The following CCDC178 variants were observed in gnomAD, a reference collection of about 807,000 sequenced individuals.
CCDC178 encodes coiled-coil domain-containing protein 178.
A neutral mutation model predicts 117.4 loss-of-function variants in CCDC178; 126 were observed. The ratio of observed to expected loss-of-function variants is 1.07; its 90% CI spans 0.93 to 1.24. The LOEUF is 1.24. Ranked by LOEUF, CCDC178 falls within the 50% of genes most tolerant of loss-of-function variation. The pLI, the probability that CCDC178 is intolerant of heterozygous loss-of-function variation, is 0.00. For missense variants in CCDC178, 1,030 were observed against 986.9 expected, an observed-to-expected ratio of 1.04 and a Z score of -0.59; for synonymous variants, 283 against 313.4, an observed-to-expected ratio of 0.90 and a Z score of 1.02.
chr18:33,043,346 G>A (rs1322575291), intron 21 of CCDC178, among the ~76,000 whole-genome samples: 1 of 151,996 alleles, frequency 6.6e-6, no homozygotes, highest in Non-Finnish European at 1.5e-5. Context: ...TGTTTATTCT[G>A]ACAAACAAGT....
chr18:33,015,765 G>A (rs1598791172), intron 21 of CCDC178, among the ~76,000 whole-genome samples: 1 of 152,002 alleles, frequency 6.6e-6, no homozygotes, highest in East Asian at 1.9e-4. Flanking sequence ...TTATATGTAT[G>A]GTGTACAACT....
chr18:33,401,647 T>C (rs528847031), intron 3 of CCDC178, among the ~76,000 whole-genome samples: 248 of 152,174 alleles, frequency 1.6e-3, no homozygotes, highest in African/African-American at 5.9e-3. Flanking sequence ...TAACATGATA[T>C]ATAACATTTA....
intron 11 of CCDC178, among the ~76,000 whole-genome samples, chr18:33,309,915 GTTT>G (rs935145048): frequency 6.8e-6 from 1 of 147,236 alleles, no homozygotes; most frequent in African/African-American, 2.5e-5. Context: ...CAAAATGATT[GTTT>G]TTTTTTTCTT....
At chr18:33,135,850 T>C (rs1412288832) in intron 20 of CCDC178, among the ~76,000 whole-genome samples, 2 of 152,134 alleles carry the variant, frequency 1.3e-5, no homozygotes, top group Non-Finnish European at 2.9e-5. Flanking sequence ...CCCTGCAAGG[T>C]TTCCCATATC....
intron 21 of CCDC178, among the ~76,000 whole-genome samples, chr18:33,085,233 G>A (rs189278148): frequency 6.6e-6 from 1 of 152,146 alleles, no homozygotes; most frequent in Non-Finnish European, 1.5e-5. Context: ...GCAAAATATA[G>A]TTTGTAAAAA....
At chr18:32,966,311 C>A (rs1485534071) in intron 22 of CCDC178, among the ~76,000 whole-genome samples, 12 of 151,716 alleles carry the variant, frequency 7.9e-5, no homozygotes, top group Non-Finnish European at 8.8e-5. Flanking sequence ...TGCCTGCTGT[C>A]TGTTTTGTAA....
At chr18:33,024,802 C>T (rs1391530639) in intron 21 of CCDC178, among the ~76,000 whole-genome samples, 1 of 106,494 alleles carries the variant, frequency 9.4e-6, no homozygotes, top group African/African-American at 3.1e-5. Context: ...TGCTACCATG[C>T]TCAGCTATTT....
At chr18:33,424,163 T>C (rs1265323967) in intron 2 of CCDC178, among the ~76,000 whole-genome samples, 1 of 152,216 alleles carries the variant, frequency 6.6e-6, no homozygotes, top group Non-Finnish European at 1.5e-5. Flanking sequence ...ACCTGTTTAC[T>C]TTTACTGGTC....
At chr18:33,431,058 G>A (rs1168846530) in intron 2 of CCDC178, among the ~76,000 whole-genome samples, 2 of 145,138 alleles carry the variant, frequency 1.4e-5, no homozygotes, top group East Asian at 2.0e-4. Flanking sequence ...CTGGGCAACC[G>A]TGCGAGACTA....
chr18:33,261,877 T>C (rs1410474176), intron 14 of CCDC178, among the ~76,000 whole-genome samples: 2 of 152,140 alleles, frequency 1.3e-5, no homozygotes, highest in African/African-American at 2.4e-5. Flanking sequence ...CATTTTTAAG[T>C]ATATTTTAAT....
At chr18:33,231,866 G>A (rs1481625740) in intron 15 of CCDC178, among the ~76,000 whole-genome samples, 2 of 152,168 alleles carry the variant, frequency 1.3e-5, no homozygotes, top group Non-Finnish European at 2.9e-5. Flanking sequence ...CTGCTTGGGA[G>A]AGAGCAGCCT....
chr18:33,130,439 A>G (rs899775375), intron 20 of CCDC178, among the ~76,000 whole-genome samples: 2 of 152,064 alleles, frequency 1.3e-5, no homozygotes, highest in African/African-American at 2.4e-5. Context: ...TTCACAAAAA[A>G]TCCATGAGTA....
chr18:33,324,211 G>A (rs567305286), intron 10 of CCDC178, among the ~76,000 whole-genome samples: 1 of 151,784 alleles, frequency 6.6e-6, no homozygotes, highest in South Asian at 2.1e-4. Flanking sequence ...GTATATCGCT[G>A]TATCACATTA....
chr18:33,053,221 T>C (rs547207639), intron 21 of CCDC178, among the ~76,000 whole-genome samples: 1 of 152,168 alleles, frequency 6.6e-6, no homozygotes, highest in Non-Finnish European at 1.5e-5. Context: ...AAATAATCCA[T>C]TTACACAGTC....
At chr18:33,430,276 C>T (rs1045065526) in intron 2 of CCDC178, among the ~76,000 whole-genome samples, 1 of 152,120 alleles carries the variant, frequency 6.6e-6, no homozygotes, top group African/African-American at 2.4e-5. Context: ...TGTTCGTTAG[C>T]AGTAAATATT....
intron 5 of CCDC178, among the ~76,000 whole-genome samples, chr18:33,383,638 GAAAAACAACAAACAAAAAGC>G (rs1230310079): frequency 1.3e-5 from 2 of 151,850 alleles, no homozygotes; most frequent in Non-Finnish European, 2.9e-5. Flanking sequence ...ACTATTAGAT[GAAAAACAACAAACAAAAAGC>G]AAAAACAACA....
chr18:33,032,268 A>G (rs2056358762), intron 21 of CCDC178, among the ~76,000 whole-genome samples: 1 of 152,134 alleles, frequency 6.6e-6, no homozygotes, highest in Non-Finnish European at 1.5e-5. Context: ...TGCTCCTAGC[A>G]TCTACAGGCC....
At chr18:33,265,262 C>CA (rs1310237263) in intron 14 of CCDC178, among the ~76,000 whole-genome samples, 4 of 150,370 alleles carry the variant, frequency 2.7e-5, no homozygotes, top group Non-Finnish European at 5.9e-5. Context: ...TAGTATGTGT[C>CA]AGACTCTGCT....
At chr18:33,177,145 A>G (rs1214993383) in intron 20 of CCDC178, among the ~76,000 whole-genome samples, 3 of 152,072 alleles carry the variant, frequency 2.0e-5, no homozygotes, top group Non-Finnish European at 2.9e-5. Context: ...CATAAGTGGG[A>G]GTTGAACAAT....
Sources: gnomAD v4.1 joint callset for allele counts (sites outside exome capture counted in the v4.1 genomes callset) on GRCh38, gnomAD v4.1.1 for gene constraint, MANE v1.5 for transcripts, NCBI Gene and HGNC (gene_info 2026-07-23, HGNC 2026-07-21) for gene names.